Variants in EIF2AK4 observed in about 807,000 individuals in gnomAD.
EIF2AK4 encodes eIF-2-alpha kinase GCN2.
EIF2AK4 carries 139 observed loss-of-function variants against 211.1 expected under a neutral mutation model. That is an observed-to-expected ratio of 0.66 (90% CI 0.57 to 0.76). The LOEUF (loss-of-function observed/expected upper bound fraction) is 0.76. EIF2AK4 is among the 30% of genes least tolerant of loss of function. EIF2AK4 has a pLI of 0.00. For missense variants in EIF2AK4, 1,664 were observed against 2,043.8 expected, an observed-to-expected ratio of 0.81 and a Z score of 3.58; for synonymous variants, 710 against 751.3, an observed-to-expected ratio of 0.94 and a Z score of 0.90.
intron 1 of EIF2AK4, among the ~76,000 whole-genome samples, chr15:39,936,068 T>TTA (rs1239590469): frequency 6.6e-6 from 1 of 152,166 alleles, no homozygotes; most frequent in African/African-American, 2.4e-5. Flanking sequence ...TTTGTTTACT[T>TTA]TATACAAGCT....
intron 1 of EIF2AK4, among the ~76,000 whole-genome samples, chr15:39,935,538 C>T (rs923712138): frequency 1.3e-5 from 2 of 152,004 alleles, no homozygotes; most frequent in Admixed American, 6.6e-5. Context: ...GCTCTGTTGC[C>T]CGGGCTGGTA....
At chr15:40,017,510 T>C (rs1420601876) in intron 29 of EIF2AK4, among the ~76,000 whole-genome samples, 1 of 7,936 alleles carries the variant, frequency 1.3e-4, no homozygotes, top group Non-Finnish European at 2.6e-4. Context: ...TCTATATATA[T>C]ATATATATAT....
rs1567006381 is a variant in EIF2AK4 at position 40,016,624 on chromosome 15, C to A, written c.3882C>A (p.Asp1294Glu). 6.2e-7 allele frequency: 1 copy of A among 1,614,136 alleles called. No individual in the cohort carries two copies. ...IAQLVKYGLKDLEEVVGLLKK... is the reference protein window; with the variant it reads ...IAQLVKYGLKELEEVVGLLKK... ...AGTTGGTGAAGTATGGCTTAAAAGA[C>A]CTAGAGGAGGTTGTTGGACTGTTGA... Residue 1294 changes from aspartate to glutamate, a missense_variant, in exon 28 of 39, where the codon GAC becomes GAA. Coordinates refer to ENST00000263791, the MANE Select transcript of EIF2AK4 (RefSeq NM_001013703.4).
chr15:40,000,440 C>T (rs954133993), intron 20 of EIF2AK4, among the ~76,000 whole-genome samples: 1 of 151,920 alleles, frequency 6.6e-6, no homozygotes, highest in Non-Finnish European at 1.5e-5. Context: ...GTTTAGATTG[C>T]CTTCATATGG....
intron 14 of EIF2AK4, among the ~76,000 whole-genome samples, chr15:39,987,147 A>G (rs2034877309): frequency 6.6e-6 from 1 of 152,182 alleles, no homozygotes; most frequent in African/African-American, 2.4e-5. Context: ...CCCCCAAACC[A>G]CTGTTTATCC....
chr15:40,017,009 T>G (rs2035310828), intron 28 of EIF2AK4, 99 bp from the exon 29 acceptor site: 7 of 1,455,374 alleles, frequency 4.8e-6, no homozygotes, highest in African/African-American at 1.4e-5. Flanking sequence ...CTAAATAGAT[T>G]GTTCTGATGC....
intron 37 of EIF2AK4, among the ~76,000 whole-genome samples, chr15:40,034,047 A>G (rs891391594): frequency 2.0e-5 from 3 of 151,460 alleles, no homozygotes; most frequent in Admixed American, 2.0e-4. Context: ...AAAAAAAAAA[A>G]GTAAACGGTA....
At chr15:39,968,985 A>T (rs1056076305) in intron 9 of EIF2AK4, among the ~76,000 whole-genome samples, 1 of 151,948 alleles carries the variant, frequency 6.6e-6, no homozygotes, top group African/African-American at 2.4e-5. Context: ...AAGATTTCTA[A>T]AGAAATCTTT....
rs1417154406 is a variant in EIF2AK4, at chr15:39,959,887, G to C, written c.744-1897G>C. Among the ~76,000 whole-genome samples the C allele has an allele frequency of 3.9e-5, 6 of 152,366 alleles. No individual in the cohort carries two copies. The East Asian group carries it at 1.2e-3, about 29-fold the overall frequency. ...GTTTAGAATATGTGGACATGGGCCA[G>C]GTGTGGTGGCTCATGCCTGTAATCC... On this transcript the variant is annotated intron_variant, in intron 6 of 38. Transcript: ENST00000263791.
At chr15:39,941,367 G>A (rs1018960880) in intron 2 of EIF2AK4, among the ~76,000 whole-genome samples, 2 of 152,058 alleles carry the variant, frequency 1.3e-5, no homozygotes, top group East Asian at 1.9e-4. Flanking sequence ...TACTAACTCC[G>A]GTATGGTTGG....
chr15:39,999,931 A>G (rs755980260), intron 20 of EIF2AK4, among the ~76,000 whole-genome samples: 3 of 152,184 alleles, frequency 2.0e-5, no homozygotes, highest in Non-Finnish European at 2.9e-5. Flanking sequence ...CTACCATCAG[A>G]TATATATTAG....
intron 13 of EIF2AK4, 130 bp from the exon 14 acceptor site, chr15:39,985,675 G>T (rs1359181974): frequency 1.3e-5 from 9 of 709,816 alleles, no homozygotes; most frequent in Non-Finnish European, 2.2e-5. Flanking sequence ...GTTATGTTCT[G>T]CTCACTGACT....
At chr15:39,961,021 C>T (rs184300822) in intron 6 of EIF2AK4, among the ~76,000 whole-genome samples, 314 of 152,294 alleles carry the variant, frequency 2.1e-3, no homozygotes, top group Middle Eastern at 3.4e-3. Context: ...CAAGAGCTCT[C>T]TCCCTTGCCT....
intron 37 of EIF2AK4, among the ~76,000 whole-genome samples, chr15:40,033,886 G>A (rs992507120): frequency 8.6e-5 from 13 of 152,020 alleles, no homozygotes; most frequent in Admixed American, 8.5e-4. Flanking sequence ...AAATTAGCCG[G>A]GCGTAGTGGC....
In EIF2AK4 at chr15:39,955,702, T is replaced by C; in HGVS notation, c.677T>C (p.Leu226Pro). 1 of 1,613,266 alleles carries C rather than the reference T, an allele frequency of 6.2e-7. No homozygotes were observed. The highest frequency in any genetic ancestry group is 8.5e-7 in the Non-Finnish European group (1 of 1,179,770). The change falls in exon 6 of 39, where the codon CTA (leucine) becomes CCA (proline). Residue 226 changes from leucine (L) to proline (P), a missense_variant. Transcript: ENST00000263791. Reference protein sequence around the residue: ...DPGGHRTAAILHGGSPDFVGN... With the variant: ...DPGGHRTAAIPHGGSPDFVGN... ...GGAGGACACAGAACGGCTGCCATTC[T>C]ACATGGAGGCTCTCCTGACTTTGTA...
At chr15:40,022,372 G>A in intron 31 of EIF2AK4, 147 bp from the exon 32 acceptor site, 1 of 644,120 alleles carries the variant, frequency 1.6e-6, no homozygotes, top group South Asian at 2.4e-5. Flanking sequence ...GCGGCTTCTT[G>A]CTTAATATTT....
chr15:39,987,930 C>T (rs1186490740), intron 14 of EIF2AK4, 53 bp from the exon 15 acceptor site: 2 of 1,595,432 alleles, frequency 1.3e-6, no homozygotes, highest in African/African-American at 2.7e-5. Context: ...CAGTTATACT[C>T]CTTCACTTAA....
chr15:39,944,091 C>T (rs1055621534), intron 3 of EIF2AK4, among the ~76,000 whole-genome samples: 3 of 152,200 alleles, frequency 2.0e-5, no homozygotes, highest in Admixed American at 6.5e-5. Flanking sequence ...CAAACAATTT[C>T]GGACCACCTC....
chr15:40,015,602 G>A (rs1796498652), intron 27 of EIF2AK4, among the ~76,000 whole-genome samples: 1 of 152,172 alleles, frequency 6.6e-6, no homozygotes, highest in Admixed American at 6.5e-5. Flanking sequence ...TGAGATTTGA[G>A]TAGGGACACA....
Sources: gnomAD v4.1 joint callset for allele counts (sites outside exome capture counted in the v4.1 genomes callset) on GRCh38, gnomAD v4.1.1 for gene constraint, MANE v1.5 for transcripts, NCBI Gene and HGNC (gene_info 2026-07-23, HGNC 2026-07-21) for gene names.